The following GRIN2B variants were observed in gnomAD, a reference collection of about 807,000 sequenced individuals.
GRIN2B encodes glutamate receptor ionotropic, NMDA 2B.
In GRIN2B, 5 loss-of-function variants were observed where a neutral mutation model predicts 114.5. The observed-to-expected ratio is 0.04, with a 90% CI of 0.02 to 0.09. The LOEUF (loss-of-function observed/expected upper bound fraction) is 0.09, where lower values mean the gene tolerates loss of function less well. Ranked by LOEUF, GRIN2B falls within the 10% of genes least tolerant of loss-of-function variation. The pLI, the probability that GRIN2B is intolerant of heterozygous loss-of-function variation, is 1.00. For synonymous variants in GRIN2B, 787 were observed against 745.1 expected (o/e 1.06, Z -0.92); for missense variants, 1,108 against 1,943.5 (o/e 0.57, Z 8.08).
Position 13,538,457 on chromosome 12 carries a change from T to C in GRIN2B, c.*24326A>G, listed in dbSNP as rs1471026473. ...GGTGTTGTGATCATGATCAAAGCTT[T>C]CATGATATCCTACTGGAGGTTCCCA... On this transcript the variant is annotated 3_prime_UTR_variant, in exon 14 of 14. Transcript: ENST00000609686. 1.3e-5 allele frequency: 2 copies of C among 152,194 alleles called. No homozygotes were observed. Among genetic ancestry groups the C allele is most frequent in the African/African-American group, 4.8e-5 (2 of 41,446 alleles). The allele number at this position is 152,194 out of a possible 1,614,324, so 9.4% of individuals were successfully genotyped here. A position where few individuals can be genotyped will look rare whatever the true frequency, so the allele number is the denominator to read the frequency against.
intron 2 of GRIN2B, among the ~76,000 whole-genome samples, chr12:13,869,744 G>GTGAA (rs144473371): frequency 0.04 from 6,148 of 152,132 alleles, 166 homozygotes; most frequent in African/African-American, 0.066. Flanking sequence ...TGAGTGTTGA[G>GTGAA]TGAATGAATG....
At chr12:13,931,704 C>T (rs1867034779) in intron 2 of GRIN2B, among the ~76,000 whole-genome samples, 1 of 152,226 alleles carries the variant, frequency 6.6e-6, no homozygotes, top group Non-Finnish European at 1.5e-5. Context: ...CTTGCACCAA[C>T]GTTGCCTCTC....
At chr12:13,630,123 G>A (rs1485196174) in intron 5 of GRIN2B, among the ~76,000 whole-genome samples, 1 of 152,022 alleles carries the variant, frequency 6.6e-6, no homozygotes, top group Non-Finnish European at 1.5e-5. Flanking sequence ...AGATTACCAC[G>A]GTAAGCACTA....
intron 4 of GRIN2B, among the ~76,000 whole-genome samples, chr12:13,746,216 C>T (rs2300263): frequency 0.081 from 12,250 of 152,130 alleles, 634 homozygotes; most frequent in East Asian, 0.2. Flanking sequence ...AATTAGGTAA[C>T]TGCACAGCGC....
At chr12:13,626,859 T>A (rs1163397935) in intron 5 of GRIN2B, among the ~76,000 whole-genome samples, 1 of 106,926 alleles carries the variant, frequency 9.4e-6, no homozygotes, top group Non-Finnish European at 1.8e-5. Flanking sequence ...CTTTATCTCC[T>A]CCTCTTGTGA....
At chr12:13,819,459 T>G (rs996853134) in intron 3 of GRIN2B, among the ~76,000 whole-genome samples, 1 of 152,146 alleles carries the variant, frequency 6.6e-6, no homozygotes, top group Non-Finnish European at 1.5e-5. Flanking sequence ...CCCTTACTAA[T>G]CCCTGAAAGG....
intron 3 of GRIN2B, among the ~76,000 whole-genome samples, chr12:13,822,358 T>C (rs1864955649): frequency 6.6e-6 from 1 of 152,088 alleles, no homozygotes; most frequent in African/African-American, 2.4e-5. Context: ...CTAAACATAA[T>C]CAATCGGGCA....
chr12:13,794,385 T>C (rs940244417), intron 3 of GRIN2B, among the ~76,000 whole-genome samples: 4 of 152,312 alleles, frequency 2.6e-5, no homozygotes, highest in African/African-American at 9.6e-5. Flanking sequence ...AGCAGATCCA[T>C]TTCAATGCAT....
rs189212733 is a variant in GRIN2B, at chr12:13,915,221, C to T, written c.-18-48995G>A. 2.4e-3 allele frequency among the ~76,000 whole-genome samples: 360 copies of T among 152,236 alleles called. 1 individual carries two copies. The highest frequency in any genetic ancestry group is 0.01 in the Middle Eastern group (3 of 294). ...TTTTTTTAGCAGGCCATTATCTTAT[C>T]TTAGAGGTTGAAATAAGGTAACAAA... On this transcript the variant is annotated intron_variant, in intron 2 of 13. Coordinates refer to ENST00000609686, the MANE Select transcript of GRIN2B (RefSeq NM_000834.5).
intron 4 of GRIN2B, among the ~76,000 whole-genome samples, chr12:13,751,915 G>T (rs575071810): frequency 6.6e-6 from 1 of 152,260 alleles, no homozygotes; most frequent in African/African-American, 2.4e-5. Flanking sequence ...GATGGAACTG[G>T]AATAGAAGGA....
chr12:13,752,591 C>T (rs1565524292), intron 4 of GRIN2B, among the ~76,000 whole-genome samples: 1 of 152,060 alleles, frequency 6.6e-6, no homozygotes, highest in Non-Finnish European at 1.5e-5. Flanking sequence ...ATCTTCTACC[C>T]CACAGAGTCA....
At chr12:13,784,628 T>C (rs913882364) in intron 3 of GRIN2B, among the ~76,000 whole-genome samples, 2 of 152,146 alleles carry the variant, frequency 1.3e-5, no homozygotes, top group Non-Finnish European at 2.9e-5. Flanking sequence ...GATAGAAGTG[T>C]CACTGTGCTA....
chr12:13,769,362 A>T (rs146899847), intron 3 of GRIN2B, among the ~76,000 whole-genome samples: 159 of 152,200 alleles, frequency 1.0e-3, no homozygotes, highest in African/African-American at 3.7e-3. Context: ...TATTCATTCA[A>T]GTGTGGCTTT....
At chr12:13,611,635 G>A in intron 9 of GRIN2B, 90 bp downstream of exon 9, 2 of 1,268,778 alleles carry the variant, frequency 1.6e-6, no homozygotes, top group Non-Finnish European at 1.2e-6. Context: ...GGATATGCTA[G>A]GGAAAATGCA....
At chr12:13,687,384 A>AT (rs1753221218) in intron 4 of GRIN2B, among the ~76,000 whole-genome samples, 1 of 151,702 alleles carries the variant, frequency 6.6e-6, no homozygotes, top group Admixed American at 6.6e-5. Context: ...TCATCTCTCC[A>AT]TTTTTTCTCC....
chr12:13,933,163 C>T (rs1423318397), intron 2 of GRIN2B, among the ~76,000 whole-genome samples: 1 of 152,182 alleles, frequency 6.6e-6, no homozygotes, highest in East Asian at 1.9e-4. Flanking sequence ...GCCTGTTAGT[C>T]ATCAGCTCAT....
At chr12:13,642,743 G>A (rs192996963) in intron 5 of GRIN2B, among the ~76,000 whole-genome samples, 1 of 152,194 alleles carries the variant, frequency 6.6e-6, no homozygotes, top group East Asian at 1.9e-4. Context: ...TCTGATAACT[G>A]TTATTTTCTC....
intron 4 of GRIN2B, among the ~76,000 whole-genome samples, chr12:13,678,545 G>A (rs1950097948): frequency 6.6e-6 from 1 of 151,994 alleles, no homozygotes; most frequent in Non-Finnish European, 1.5e-5. Context: ...CATATGCCAT[G>A]GCTTCGTGTT....
At chr12:13,799,936 G>A (rs1229076277) in intron 3 of GRIN2B, among the ~76,000 whole-genome samples, 2 of 152,110 alleles carry the variant, frequency 1.3e-5, no homozygotes, top group African/African-American at 4.8e-5. Context: ...TGCCTGCCTG[G>A]AAGAAACCGC....
Sources: allele counts gnomAD v4.1 joint callset (sites outside exome capture counted in the v4.1 genomes callset), GRCh38; gene constraint gnomAD v4.1.1; transcripts MANE v1.5; gene names NCBI Gene and HGNC (gene_info 2026-07-23, HGNC 2026-07-21).